DSCAML1: variants seen among roughly 807,000 people sequenced by gnomAD.
The protein encoded by DSCAML1 is DS cell adhesion molecule like 1.
A neutral mutation model predicts 200.5 loss-of-function variants in DSCAML1; 38 were observed. The observed-to-expected ratio is 0.19, with a 90% confidence interval of 0.15 to 0.25. The LOEUF (loss-of-function observed/expected upper bound fraction) is 0.25, where lower values mean the gene tolerates loss of function less well. DSCAML1 is among the 10% of genes least tolerant of loss of function. The probability of loss-of-function intolerance (pLI) is 1.00; values close to 1 mark genes in which losing one functional copy is unlikely to be tolerated. For missense variants in DSCAML1, 2,223 were observed against 2,858.8 expected, an observed-to-expected ratio of 0.78 and a Z score of 5.07; for synonymous variants, 1,215 against 1,165.0, an observed-to-expected ratio of 1.04 and a Z score of -0.87.
rs2137264051 is a variant in DSCAML1, at chr11:117,499,000, T to A, written c.2359+4845A>T. 6.6e-6 allele frequency among the ~76,000 whole-genome samples: 1 copy of A among 152,230 alleles called. No individual in the cohort carries two copies. The highest frequency in any genetic ancestry group is 2.1e-4 in the South Asian group (1 of 4,814). On this transcript the variant is annotated intron_variant, in intron 11 of 32. Transcript: ENST00000651296. This position sits in a 1 kb window ranked among gnomAD's most constrained non-coding sequence, Gnocchi z 4.0. Reference sequence around the variant, plus strand: ...CTGTCTAATAAGGTCACCTGCTGGATAAGAGGATGGCCGAGTCCCAGGAGG... The same window carrying A: ...CTGTCTAATAAGGTCACCTGCTGGAAAAGAGGATGGCCGAGTCCCAGGAGG...
At chr11:117,567,016 G>A (rs1231169905) in intron 3 of DSCAML1, among the ~76,000 whole-genome samples, 1 of 152,106 alleles carries the variant, frequency 6.6e-6, no homozygotes, top group Non-Finnish European at 1.5e-5. Flanking sequence ...CTTTGCTATT[G>A]TGAATAATGC....
chr11:117,462,471 G>A (rs952130619), intron 17 of DSCAML1, among the ~76,000 whole-genome samples: 6 of 152,218 alleles, frequency 3.9e-5, no homozygotes, highest in African/African-American at 1.4e-4. Context: ...GGGACAAAGC[G>A]CAAGACGGAG....
At chr11:117,720,900 T>G (rs2054031757) in intron 3 of DSCAML1, among the ~76,000 whole-genome samples, 1 of 152,248 alleles carries the variant, frequency 6.6e-6, no homozygotes, top group Non-Finnish European at 1.5e-5. Flanking sequence ...GAGGTTACGC[T>G]GAGTCCTACA....
At chr11:117,660,397 T>A (rs912656041) in intron 3 of DSCAML1, among the ~76,000 whole-genome samples, 1 of 152,226 alleles carries the variant, frequency 6.6e-6, no homozygotes, top group South Asian at 2.1e-4. Context: ...TTTCCCCATC[T>A]GGGCCCCAGG....
intron 3 of DSCAML1, among the ~76,000 whole-genome samples, chr11:117,769,539 TTATATATTTTA>T (rs200630172): frequency 2.9e-5 from 2 of 69,984 alleles, no homozygotes; most frequent in Admixed American, 2.1e-4. Context: ...TTTATATATA[TTATATATTTTA>T]TATATATATT....
At chr11:117,758,424 C>T (rs184508529) in intron 3 of DSCAML1, among the ~76,000 whole-genome samples, 6 of 151,602 alleles carry the variant, frequency 4.0e-5, no homozygotes, top group East Asian at 1.9e-4. Flanking sequence ...TTTTTTGAGA[C>T]GGAGTCTCGC....
intron 8 of DSCAML1, among the ~76,000 whole-genome samples, chr11:117,515,610 C>CTGTTTTTTTTTTTTT (rs2049746328): frequency 3.1e-5 from 2 of 65,122 alleles, no homozygotes; most frequent in African/African-American, 1.7e-4. Context: ...AGGGACGAAG[C>CTGTTTTTTTTTTTTT]TTTTTTTTTT....
intron 3 of DSCAML1, among the ~76,000 whole-genome samples, chr11:117,656,538 T>C (rs1845931402): frequency 6.6e-6 from 1 of 151,268 alleles, no homozygotes; most frequent in South Asian, 2.1e-4. Context: ...TATCTATCTA[T>C]CTATCTATCC....
At chr11:117,660,440 G>A (rs1444144976) in intron 3 of DSCAML1, among the ~76,000 whole-genome samples, 1 of 152,204 alleles carries the variant, frequency 6.6e-6, no homozygotes, top group Admixed American at 6.5e-5. Context: ...GCTGGATTCT[G>A]TAATCTCTGA....
At chr11:117,645,555 G>A (rs1194142502) in intron 3 of DSCAML1, among the ~76,000 whole-genome samples, 4 of 151,938 alleles carry the variant, frequency 2.6e-5, no homozygotes, top group Non-Finnish European at 5.9e-5. Context: ...ATACACCATG[G>A]AATACTATGC....
chr11:117,459,042 AG>A (rs1433581669), intron 18 of DSCAML1, 133 bp from the exon 19 acceptor site: 2 of 1,196,580 alleles, frequency 1.7e-6, no homozygotes, highest in Admixed American at 4.4e-5. Context: ...CGAGGACTAG[AG>A]GGTCTTTCAC....
At chr11:117,712,583 G>C (rs1330436438) in intron 3 of DSCAML1, among the ~76,000 whole-genome samples, 1 of 152,146 alleles carries the variant, frequency 6.6e-6, no homozygotes, top group Non-Finnish European at 1.5e-5. Context: ...GCATTTTAAT[G>C]ATGGGGAATG....
chr11:117,451,341 C>T (rs2048278839), intron 19 of DSCAML1, among the ~76,000 whole-genome samples: 1 of 152,236 alleles, frequency 6.6e-6, no homozygotes, highest in South Asian at 2.1e-4. Flanking sequence ...CTGCTCTCAG[C>T]TCACACTCCC....
chr11:117,693,809 C>A (rs1056010584), intron 3 of DSCAML1, among the ~76,000 whole-genome samples: 1 of 152,084 alleles, frequency 6.6e-6, no homozygotes, highest in African/African-American at 2.4e-5. Flanking sequence ...TGACTATTTT[C>A]CAAGTATATT....
chr11:117,703,261 T>C (rs1403658106), intron 3 of DSCAML1, among the ~76,000 whole-genome samples: 1 of 152,150 alleles, frequency 6.6e-6, no homozygotes, highest in Non-Finnish European at 1.5e-5. Flanking sequence ...CATCTTGAGA[T>C]TATCTGGGCT....
At position 117,489,302 on chromosome 11, in the gene DSCAML1, A is replaced by G. The variant is rs978357221; in HGVS notation, c.2360-7140T>C. ...GAGAGCCGGGGTGGGGTATATGCAC[A>G]GGGCTGGGTCCTGCGTGACAAATGC... On this transcript the variant is annotated intron_variant, in intron 11 of 32. Coordinates refer to ENST00000651296, the MANE Select transcript of DSCAML1 (RefSeq NM_020693.4). This position sits in a 1 kb window ranked among gnomAD's most constrained non-coding sequence, Gnocchi z 4.8. 6.6e-6 allele frequency among the ~76,000 whole-genome samples: 1 copy of G among 152,308 alleles called. No homozygotes were observed. The highest frequency in any genetic ancestry group is 2.4e-5 in the African/African-American group (1 of 41,576).
intron 1 of DSCAML1, among the ~76,000 whole-genome samples, chr11:117,807,723 T>C (rs185208560): frequency 8.5e-5 from 13 of 152,270 alleles, no homozygotes; most frequent in Admixed American, 2.0e-4. Flanking sequence ...GGCTCCTCCA[T>C]GGAGATTATC....
intron 1 of DSCAML1, among the ~76,000 whole-genome samples, chr11:117,803,068 G>A (rs1242205750): frequency 1.3e-5 from 2 of 151,484 alleles, no homozygotes; most frequent in Non-Finnish European, 2.9e-5. Context: ...ACATTTTGGG[G>A]GGATCTGACT....
chr11:117,465,208 A>G, intron 16 of DSCAML1, 26 bp from the exon 17 acceptor site: 1 of 1,608,864 alleles, frequency 6.2e-7, no homozygotes, highest in Non-Finnish European at 8.5e-7. Context: ...GGGGGTGGGC[A>G]CAAAGAAATG....
Sources: allele counts gnomAD v4.1 joint callset (sites outside exome capture counted in the v4.1 genomes callset), GRCh38; gene constraint gnomAD v4.1.1; non-coding constraint Gnocchi (gnomAD v3.1); transcripts MANE v1.5; gene names NCBI Gene and HGNC (gene_info 2026-07-23, HGNC 2026-07-21).